HYCC1: variants seen among roughly 807,000 people sequenced by gnomAD.
HYCC1 encodes hyccin PI4KA lipid kinase complex subunit 1, also known as hyccin.
chr7:22,905,960 C>T, the HYCC1 span, among the ~76,000 whole-genome samples: 2 of 152,180 alleles, frequency 1.3e-5, no homozygotes, highest in South Asian at 2.1e-4. Context: ...ACATTAAGTA[C>T]CAGTTACAGT....
the HYCC1 span, among the ~76,000 whole-genome samples, chr7:22,905,798 G>A: frequency 1.3e-5 from 2 of 151,992 alleles, no homozygotes; most frequent in African/African-American, 2.4e-5. Context: ...ATTAAGTTAC[G>A]GAGGATTTCT....
the HYCC1 span, chr7:22,983,939 C>T: frequency 2.6e-6 from 4 of 1,514,652 alleles, no homozygotes; most frequent in Admixed American, 3.3e-5. Flanking sequence ...CATAAAAGTA[C>T]TTACCTCACT....
chr7:22,964,965 C>A, the HYCC1 span, among the ~76,000 whole-genome samples: 1 of 152,056 alleles, frequency 6.6e-6, no homozygotes, highest in South Asian at 2.1e-4. Flanking sequence ...AAAACCCTGT[C>A]TCTAGTAAAA....
chr7:22,978,097 T>A, the HYCC1 span: 1 of 640,008 alleles, frequency 1.6e-6, no homozygotes, highest in East Asian at 2.7e-5. Flanking sequence ...CATAATTACA[T>A]GTACGCTTGT....
chr7:22,901,227 A>C, the HYCC1 span, among the ~76,000 whole-genome samples: 1 of 146,926 alleles, frequency 6.8e-6, no homozygotes, highest in South Asian at 2.1e-4. Flanking sequence ...GTCTCAAAAA[A>C]AAAAAAAAAA....
At chr7:23,006,058 A>C in the HYCC1 span, among the ~76,000 whole-genome samples, 1 of 152,274 alleles carries the variant, frequency 6.6e-6, no homozygotes, top group Non-Finnish European at 1.5e-5. Flanking sequence ...GGAACCTTGA[A>C]ATTTAGAACA....
the HYCC1 span, among the ~76,000 whole-genome samples, chr7:22,897,789 A>AATTT: frequency 1.3e-3 from 198 of 151,452 alleles, no homozygotes; most frequent in African/African-American, 4.4e-3. Flanking sequence ...GTGTTTTTAA[A>AATTT]ATTTATTTAT....
At chr7:22,988,891 C>T in the HYCC1 span, among the ~76,000 whole-genome samples, 31 of 152,298 alleles carry the variant, frequency 2.0e-4, no homozygotes, top group East Asian at 5.2e-3. Context: ...ACCCCAACCA[C>T]CTACTTCCTC....
At chr7:23,005,259 A>C in the HYCC1 span, among the ~76,000 whole-genome samples, 9 of 152,184 alleles carry the variant, frequency 5.9e-5, no homozygotes, top group African/African-American at 2.2e-4. Flanking sequence ...AATTTTCAAC[A>C]AGTTACTTAA....
chr7:22,907,970 C>G, the HYCC1 span, among the ~76,000 whole-genome samples: 3 of 152,184 alleles, frequency 2.0e-5, no homozygotes, highest in Non-Finnish European at 4.4e-5. Context: ...CACCCCCACT[C>G]TCCCATTTGC....
At chr7:22,984,651 G>A in the HYCC1 span, among the ~76,000 whole-genome samples, 14 of 152,182 alleles carry the variant, frequency 9.2e-5, no homozygotes, top group East Asian at 1.9e-4. Flanking sequence ...GAGCCTGGGA[G>A]GTCAACGCTG....
At chr7:22,994,698 C>T in the HYCC1 span, among the ~76,000 whole-genome samples, 1 of 152,126 alleles carries the variant, frequency 6.6e-6, no homozygotes, top group Non-Finnish European at 1.5e-5. Flanking sequence ...CCAAACTTCT[C>T]TGTCTCCTGC....
At chr7:23,000,513 A>G in the HYCC1 span, among the ~76,000 whole-genome samples, 35 of 152,310 alleles carry the variant, frequency 2.3e-4, no homozygotes, top group African/African-American at 7.2e-4. Context: ...ACATAAAAAT[A>G]CAATCACATT....
the HYCC1 span, among the ~76,000 whole-genome samples, chr7:22,997,342 T>C: frequency 6.6e-6 from 1 of 152,292 alleles, no homozygotes; most frequent in East Asian, 1.9e-4. Flanking sequence ...GACAAACTAC[T>C]ATAAAACTTT....
At chr7:22,978,122 C>T in the HYCC1 span, 1 of 731,144 alleles carries the variant, frequency 1.4e-6, no homozygotes, top group Non-Finnish European at 2.3e-6. Context: ...CTCCCAATCC[C>T]CAGAAAGTTA....
the HYCC1 span, chr7:22,978,566 AT>A: frequency 1.2e-6 from 1 of 850,406 alleles, no homozygotes; most frequent in Non-Finnish European, 1.9e-6. Context: ...AGTTCTTAAA[AT>A]AGCTAAGTTG....
chr7:22,950,680 G>A, the HYCC1 span, among the ~76,000 whole-genome samples: 1 of 151,866 alleles, frequency 6.6e-6, no homozygotes, highest in Non-Finnish European at 1.5e-5. Context: ...TTAGCAAGAT[G>A]CTTAGGTCAA....
chr7:22,934,703 A>C, the HYCC1 span: 4 of 152,262 alleles, frequency 2.6e-5, no homozygotes, highest in Admixed American at 6.5e-5. Flanking sequence ...GAAACCTGAC[A>C]CAAGATTCCA....
At chr7:22,914,622 G>A in the HYCC1 span, among the ~76,000 whole-genome samples, 2 of 152,128 alleles carry the variant, frequency 1.3e-5, no homozygotes, top group Non-Finnish European at 2.9e-5. Context: ...TGACGTCCAG[G>A]CATTCTTTTA....
Sources: allele counts gnomAD v4.1 joint callset (sites outside exome capture counted in the v4.1 genomes callset), GRCh38; gene constraint gnomAD v4.1.1; transcripts MANE v1.5; gene names NCBI Gene and HGNC (gene_info 2026-07-23, HGNC 2026-07-21).